Variants in CASTOR2 observed in about 807,000 individuals in gnomAD.
The protein encoded by CASTOR2 is GATS protein like 2.
CASTOR2 carries 8 observed loss-of-function variants against 31.2 expected under a neutral mutation model. The observed-to-expected ratio is 0.26, with a 90% CI of 0.15 to 0.46. The LOEUF is 0.46. Among genes scored for constraint, CASTOR2 ranks in the 20% least tolerant of loss-of-function variants. The pLI is 0.99. For missense variants in CASTOR2, 216 were observed against 382.1 expected (o/e 0.57, Z 3.62); for synonymous variants, 162 against 158.7 (o/e 1.02, Z -0.16).
At chr7:75,016,600 C>A (rs1804869355) in intron 2 of CASTOR2, among the ~76,000 whole-genome samples, 1 of 152,214 alleles carries the variant, frequency 6.6e-6, no homozygotes, top group South Asian at 2.1e-4. Flanking sequence ...CCCAGAGCCT[C>A]CCTGAGAGGT....
At position 75,027,645 on chromosome 7, in the gene CASTOR2, C is replaced by T. The variant is rs1229024980; in HGVS notation, c.*2946C>T. 1.5e-5 allele frequency: 4 copies of T among 267,534 alleles called. No homozygotes were observed. Among genetic ancestry groups the T allele is most frequent in the South Asian group, 4.0e-5 (1 of 24,806 alleles). 16.6% of individuals were successfully genotyped at this position (267,534 alleles called of 1,614,324 possible). Reference sequence around the variant, plus strand: ...GCGCTGGGGCCAGGGTATGGCTCTCCGCCCTGGCTGGCTCTGCAGGGGTGG... The same window carrying T: ...GCGCTGGGGCCAGGGTATGGCTCTCTGCCCTGGCTGGCTCTGCAGGGGTGG... On this transcript the variant is annotated 3_prime_UTR_variant, in exon 9 of 9. Transcript: ENST00000616305.
chr7:75,007,163 G>T (rs587686915), intron 1 of CASTOR2, among the ~76,000 whole-genome samples: 3 of 152,084 alleles, frequency 2.0e-5, no homozygotes, highest in African/African-American at 7.2e-5. Context: ...TGCAGTGGGG[G>T]TGCGGTTCTG....
intron 6 of CASTOR2, among the ~76,000 whole-genome samples, chr7:75,021,671 C>T (rs1051028091): frequency 7.2e-5 from 11 of 152,078 alleles, no homozygotes; most frequent in Non-Finnish European, 1.3e-4. Context: ...CATCACCCTC[C>T]CCATCCGCCT....
intron 1 of CASTOR2, among the ~76,000 whole-genome samples, chr7:74,975,485 A>G (rs1803782513): frequency 7.1e-6 from 1 of 140,518 alleles, no homozygotes; most frequent in Admixed American, 7.1e-5. Flanking sequence ...TGGGAGACCG[A>G]GGCGGGCGGA....
intron 6 of CASTOR2, 79 bp downstream of exon 6, chr7:75,020,228 C>T: frequency 1.6e-6 from 2 of 1,260,814 alleles, no homozygotes; most frequent in Non-Finnish European, 1.1e-6. Context: ...GCACATCACC[C>T]ACTTTGTCTT....
At chr7:75,003,702 A>G (rs1804546752) in intron 1 of CASTOR2, among the ~76,000 whole-genome samples, 1 of 151,830 alleles carries the variant, frequency 6.6e-6, no homozygotes, top group Non-Finnish European at 1.5e-5. Context: ...GTGAGCCGAG[A>G]TTGCGCCACT....
At chr7:75,001,389 G>A (rs1288789864) in intron 1 of CASTOR2, among the ~76,000 whole-genome samples, 1 of 152,090 alleles carries the variant, frequency 6.6e-6, no homozygotes, top group Non-Finnish European at 1.5e-5. Context: ...CCCACCTGGA[G>A]TTTTTTAACA....
At chr7:74,978,199 G>A (rs1554435971) in intron 1 of CASTOR2, among the ~76,000 whole-genome samples, 1 of 149,836 alleles carries the variant, frequency 6.7e-6, no homozygotes, top group Non-Finnish European at 1.5e-5. Context: ...CATCTCCTGG[G>A]TTCAAGCAAT....
chr7:75,026,922 T>C lies in CASTOR2; in HGVS notation c.*2223T>C, dbSNP rs1239655519. On this transcript the variant is annotated 3_prime_UTR_variant, in exon 9 of 9. Transcript: ENST00000616305. ...TGTCCCCTAGACTTCCTAGGACGTA[T>C]CTATTGTACACACCTATAAATACCT... 6.6e-6 allele frequency among the ~76,000 whole-genome samples: 1 copy of C among 152,178 alleles called. No individual in the cohort carries two copies. The highest frequency in any genetic ancestry group is 1.5e-5 in the Non-Finnish European group (1 of 68,032).
chr7:75,020,490 A>ATTTT (rs587738996), intron 6 of CASTOR2, among the ~76,000 whole-genome samples: 2 of 84,404 alleles, frequency 2.4e-5, no homozygotes, highest in Non-Finnish European at 2.4e-5. Context: ...CTCAGGCGTG[A>ATTTT]TTTTTTTTTT....
chr7:74,977,745 C>T (rs1554435906), intron 1 of CASTOR2, among the ~76,000 whole-genome samples: 3 of 150,294 alleles, frequency 2.0e-5, no homozygotes, highest in African/African-American at 7.3e-5. Flanking sequence ...GATGCAATCT[C>T]AGCTCACTCC....
chr7:74,991,487 A>G (rs1251840511), intron 1 of CASTOR2, among the ~76,000 whole-genome samples: 8 of 152,094 alleles, frequency 5.3e-5, no homozygotes, highest in Non-Finnish European at 1.2e-4. Context: ...TGCAGAGTCA[A>G]TCAGCAAATA....
At chr7:75,004,516 G>A (rs1411514816) in intron 1 of CASTOR2, among the ~76,000 whole-genome samples, 2 of 143,508 alleles carry the variant, frequency 1.4e-5, no homozygotes, top group Non-Finnish European at 1.5e-5. Flanking sequence ...GCAGTGGCAC[G>A]ATCTCAGCTC....
chr7:75,016,754 G>A (rs1443949172), intron 2 of CASTOR2, among the ~76,000 whole-genome samples: 1,677 of 152,334 alleles, frequency 0.011, 34 homozygotes, highest in African/African-American at 0.039. Flanking sequence ...CTGAGGCTCG[G>A]TGCAGATCAA....
chr7:75,026,218 C>G lies in CASTOR2; in HGVS notation c.*1519C>G. Among the ~76,000 whole-genome samples the G allele has an allele frequency of 1.2e-5, 1 of 84,728 alleles. No homozygotes were observed. The highest frequency in any genetic ancestry group is 4.6e-5 in the African/African-American group (1 of 21,622). 55.6% of individuals were successfully genotyped at this position (84,728 alleles called of 152,430 possible). Reference sequence around the variant, plus strand: ...TTTTTTTTTTTTTTGAGATGGGAGTCTGGCTCTGTTGCCTAGGCTGGAATG... The same window carrying G: ...TTTTTTTTTTTTTTGAGATGGGAGTGTGGCTCTGTTGCCTAGGCTGGAATG... On this transcript the variant is annotated 3_prime_UTR_variant, in exon 9 of 9. Coordinates refer to ENST00000616305, the MANE Select transcript of CASTOR2 (RefSeq NM_001145064.3).
At position 75,031,011 on chromosome 7, in the gene CASTOR2, C is replaced by A. The variant is rs1452763265; in HGVS notation, c.*6312C>A. Reference sequence around the variant, plus strand: ...GGCCAAGTTCAGGTCCCAAGACAGGCCAAGGCCAGTGCGGTTTCCCTTCCA... The same window carrying A: ...GGCCAAGTTCAGGTCCCAAGACAGGACAAGGCCAGTGCGGTTTCCCTTCCA... On this transcript the variant is annotated 3_prime_UTR_variant, in exon 9 of 9. Transcript: ENST00000616305. Among the ~76,000 whole-genome samples the A allele has an allele frequency of 8.5e-5, 13 of 152,232 alleles. No homozygotes were observed. Among genetic ancestry groups the A allele is most frequent in the African/African-American group, 3.1e-4 (13 of 41,472 alleles).
Position 75,017,677 on chromosome 7 carries a change from C to T in CASTOR2, c.264C>T (p.Phe88=). ...ACGTGGTGTCCGGCGGTGGCAGCTT[C>T]TCCAGCTCCCAGCCCATCGGCGTGA... is the stretch of plus-strand genomic sequence containing the variant. ...ALNVVSGGGS[F]SSSQPIGVTK... Residue 88 remains phenylalanine (F), a synonymous_variant, in exon 3 of 9, where the codon TTC becomes TTT. Coordinates refer to ENST00000616305, the MANE Select transcript of CASTOR2 (RefSeq NM_001145064.3). 3 of 1,614,062 alleles carry T rather than the reference C, an allele frequency of 1.9e-6. No individual in the cohort carries two copies. The highest frequency in any genetic ancestry group is 2.5e-6 in the Non-Finnish European group (3 of 1,179,884).
intron 1 of CASTOR2, among the ~76,000 whole-genome samples, chr7:74,983,315 T>G (rs1339454388): frequency 2.6e-5 from 4 of 151,202 alleles, no homozygotes; most frequent in African/African-American, 9.8e-5. Flanking sequence ...CCCGGCCACA[T>G]TTCTTTCTTC....
At chr7:74,972,616 G>A (rs1376955877) in intron 1 of CASTOR2, among the ~76,000 whole-genome samples, 1 of 149,818 alleles carries the variant, frequency 6.7e-6, no homozygotes. Flanking sequence ...GGTCATTCGT[G>A]TTCCTACATG....
Sources: gnomAD v4.1 joint callset for allele counts (sites outside exome capture counted in the v4.1 genomes callset) on GRCh38, gnomAD v4.1.1 for gene constraint, MANE v1.5 for transcripts, NCBI Gene and HGNC (gene_info 2026-07-23, HGNC 2026-07-21) for gene names.